The following HORMAD2 variants were observed in gnomAD, a reference collection of about 807,000 sequenced individuals.
HORMAD2 encodes the protein HORMA domain-containing protein 2.
Under a neutral mutation model 38.8 loss-of-function variants are expected in HORMAD2, and 45 were observed. That is an observed-to-expected ratio of 1.16 (90% CI 0.91 to 1.49). The LOEUF (loss-of-function observed/expected upper bound fraction) is 1.49. Ranked by LOEUF, HORMAD2 falls within the 40% of genes most tolerant of loss-of-function variation. The probability of loss-of-function intolerance (pLI) is 0.00; values close to 1 mark genes in which losing one functional copy is unlikely to be tolerated. For missense variants in HORMAD2, 338 were observed against 367.0 expected (o/e 0.92, Z 0.65); for synonymous variants, 126 against 122.8 (o/e 1.03, Z -0.17).
At chr22:30,083,202 G>A (rs1309753196) in intron 1 of HORMAD2, among the ~76,000 whole-genome samples, 3 of 152,156 alleles carry the variant, frequency 2.0e-5, no homozygotes, top group African/African-American at 7.2e-5. Context: ...AGGAGGTCGA[G>A]GTTGCAGTGA....
At chr22:30,087,164 A>G (rs968461430) in intron 1 of HORMAD2, among the ~76,000 whole-genome samples, 1 of 152,160 alleles carries the variant, frequency 6.6e-6, no homozygotes, top group East Asian at 1.9e-4. Flanking sequence ...CCTGGCCTAC[A>G]TTTGAGAAAT....
intron 1 of HORMAD2, among the ~76,000 whole-genome samples, chr22:30,080,814 C>T (rs1033377761): frequency 5.3e-5 from 8 of 152,052 alleles, no homozygotes; most frequent in East Asian, 1.9e-4. Flanking sequence ...CATGATGAGG[C>T]TGGCAGGGCA....
At chr22:30,103,379 A>G (rs1163258039) in intron 3 of HORMAD2, 58 bp from the exon 4 acceptor site, 1 of 937,994 alleles carries the variant, frequency 1.1e-6, no homozygotes, top group African/African-American at 1.6e-5. Flanking sequence ...TAGCATGGAC[A>G]ATTTCAGTAC....
the HORMAD2 span, among the ~76,000 whole-genome samples, chr22:30,194,271 G>C: frequency 6.6e-6 from 1 of 152,162 alleles, no homozygotes. Flanking sequence ...AGCATGTCTA[G>C]GGAAAGGTAA....
At chr22:30,093,174 G>A (rs1437469937) in intron 1 of HORMAD2, among the ~76,000 whole-genome samples, 2 of 152,038 alleles carry the variant, frequency 1.3e-5, no homozygotes, top group Admixed American at 6.5e-5. Flanking sequence ...TCTTTCATCA[G>A]TGTTCTGTAG....
the HORMAD2 span, among the ~76,000 whole-genome samples, chr22:30,182,540 A>G: frequency 6.6e-6 from 1 of 152,214 alleles, no homozygotes; most frequent in South Asian, 2.1e-4. Context: ...GGTGACGTGC[A>G]GTTTATGAAG....
At chr22:30,103,649 ATTTTTTTTTTTTTTT>A (rs71198524) in intron 4 of HORMAD2, 149 bp downstream of exon 4, 27 of 75,298 alleles carry the variant, frequency 3.6e-4, no homozygotes, top group Middle Eastern at 7.5e-3. Flanking sequence ...TCTGTTTTTG[ATTTTTTTTTTTTTTT>A]TTTTTTTTTT....
the HORMAD2 span, among the ~76,000 whole-genome samples, chr22:30,202,248 T>C: frequency 1.3e-5 from 2 of 152,216 alleles, no homozygotes; most frequent in South Asian, 4.1e-4. Context: ...GCTTGCAGTC[T>C]AGCAGGCCCT....
At chr22:30,111,686 C>T (rs1044503954) in intron 5 of HORMAD2, 110 bp from the exon 6 acceptor site, 1 of 857,158 alleles carries the variant, frequency 1.2e-6, no homozygotes, top group Non-Finnish European at 1.8e-6. Context: ...TTTTTCCTAC[C>T]CAAATCTTTC....
At chr22:30,082,924 G>C (rs931651128) in intron 1 of HORMAD2, among the ~76,000 whole-genome samples, 1 of 152,096 alleles carries the variant, frequency 6.6e-6, no homozygotes, top group Non-Finnish European at 1.5e-5. Context: ...TAGAAATATT[G>C]CCTCTTTCTC....
chr22:30,110,040 A>G (rs1315254215), intron 5 of HORMAD2, among the ~76,000 whole-genome samples: 1 of 152,166 alleles, frequency 6.6e-6, no homozygotes, highest in East Asian at 1.9e-4. Flanking sequence ...GATTCAACCA[A>G]CTGGAAAATA....
rs946221508 is a variant in HORMAD2 at position 30,162,534 on chromosome 22, T to A, written c.820-13529T>A. On this transcript the variant is annotated intron_variant, in intron 10 of 10. Coordinates refer to ENST00000336726, the MANE Select transcript of HORMAD2 (RefSeq NM_152510.4). ...CATATTAAAATGATAGTTTTTAATA[T>A]ATTGGGTTAAATTAAATGTTAAATT... is the stretch of plus-strand genomic sequence containing the variant. 2.7e-4 allele frequency among the ~76,000 whole-genome samples: 41 copies of A among 152,088 alleles called. 1 individual carries two copies. Among genetic ancestry groups the A allele is most frequent in the Non-Finnish European group, 7.4e-5 (5 of 68,010 alleles).
At chr22:30,201,046 G>A in the HORMAD2 span, among the ~76,000 whole-genome samples, 18 of 152,196 alleles carry the variant, frequency 1.2e-4, no homozygotes, top group Admixed American at 3.9e-4. Context: ...CACCACGCCC[G>A]GCCAGAAATG....
At chr22:30,180,081 G>A (rs1926636983), downstream of HORMAD2, among the ~76,000 whole-genome samples, 4 of 152,166 alleles carry the variant, frequency 2.6e-5, no homozygotes, top group South Asian at 8.3e-4. Context: ...GTAGAGATGA[G>A]GTTTTGCCAT....
intron 10 of HORMAD2, among the ~76,000 whole-genome samples, chr22:30,142,482 T>C (rs1924151155): frequency 6.6e-6 from 1 of 152,206 alleles, no homozygotes; most frequent in Admixed American, 6.5e-5. Context: ...TCTGACGCTA[T>C]TATTGTTGAA....
chr22:30,089,113 A>G (rs574092529), intron 1 of HORMAD2, among the ~76,000 whole-genome samples: 3 of 152,312 alleles, frequency 2.0e-5, no homozygotes, highest in Non-Finnish European at 2.9e-5. Flanking sequence ...TATAATCTCT[A>G]TCACCACCTT....
chr22:30,113,724 C>G (rs1268684070), intron 7 of HORMAD2, among the ~76,000 whole-genome samples: 2 of 152,152 alleles, frequency 1.3e-5, no homozygotes, highest in Non-Finnish European at 2.9e-5. Context: ...AATTTTCCTT[C>G]TCTAAGCCTA....
intron 1 of HORMAD2, among the ~76,000 whole-genome samples, chr22:30,084,358 C>T (rs993440685): frequency 6.6e-6 from 1 of 152,104 alleles, no homozygotes; most frequent in Non-Finnish European, 1.5e-5. Context: ...AATCCACTCT[C>T]CTGATAATGA....
intron 10 of HORMAD2, among the ~76,000 whole-genome samples, chr22:30,142,057 C>T (rs1039209392): frequency 1.3e-5 from 2 of 152,000 alleles, no homozygotes; most frequent in African/African-American, 2.4e-5. Flanking sequence ...TGAGACTAGC[C>T]TGAGCAACAT....
Sources: allele counts gnomAD v4.1 joint callset (sites outside exome capture counted in the v4.1 genomes callset), GRCh38; gene constraint gnomAD v4.1.1; transcripts MANE v1.5; gene names NCBI Gene and HGNC (gene_info 2026-07-23, HGNC 2026-07-21).